AP2A2: variants seen among roughly 807,000 people sequenced by gnomAD.
AP2A2 encodes the protein AP-2 complex subunit alpha-2.
AP2A2 carries 32 observed loss-of-function variants against 104.2 expected under a neutral mutation model. The observed-to-expected ratio is 0.31, with a 90% CI of 0.23 to 0.41. The LOEUF (loss-of-function observed/expected upper bound fraction) is 0.41, where lower values mean the gene tolerates loss of function less well. AP2A2 is among the 10% of genes least tolerant of loss of function. The pLI is 1.00. For missense variants in AP2A2, 912 were observed against 1,261.0 expected (o/e 0.72, Z 4.19); for synonymous variants, 539 against 533.3 (o/e 1.01, Z -0.15).
intron 4 of AP2A2, among the ~76,000 whole-genome samples, chr11:975,974 G>A (rs933113928): frequency 2.0e-5 from 3 of 152,206 alleles, no homozygotes; most frequent in African/African-American, 7.2e-5. Flanking sequence ...TGGCATGCTG[G>A]GCGCCCTCGT....
chr11:982,238 A>G (rs542079985), intron 6 of AP2A2, among the ~76,000 whole-genome samples: 4 of 152,276 alleles, frequency 2.6e-5, no homozygotes, highest in South Asian at 2.1e-4. Context: ...TTTAGCAGAG[A>G]TGAGGTTTCA....
intron 1 of AP2A2, among the ~76,000 whole-genome samples, chr11:942,047 C>T (rs1853667841): frequency 6.6e-6 from 1 of 152,180 alleles, no homozygotes; most frequent in South Asian, 2.1e-4. Flanking sequence ...CTGCCTCAGC[C>T]TCCTGAGTAG....
intron 9 of AP2A2, 72 bp downstream of exon 9, chr11:987,025 G>GT: frequency 1.3e-6 from 2 of 1,494,918 alleles, no homozygotes; most frequent in Non-Finnish European, 1.8e-6. Flanking sequence ...AAGGCTGGGG[G>GT]TACGCAGTGC....
intron 17 of AP2A2, chr11:1,007,015 C>T (rs554830934): frequency 8.9e-5 from 15 of 168,032 alleles, no homozygotes; most frequent in African/African-American, 3.1e-4. Context: ...CGGTGCGCAC[C>T]CCAGCCGAGC....
chr11:1,003,984 T>C (rs1470152295), intron 16 of AP2A2, among the ~76,000 whole-genome samples, 180 bp downstream of exon 16: 1 of 146,774 alleles, frequency 6.8e-6, no homozygotes, highest in Admixed American at 6.7e-5. Context: ...GGCAAACACA[T>C]CAAGACCCCA....
intron 3 of AP2A2, 137 bp downstream of exon 3, chr11:970,448 A>C: frequency 9.0e-7 from 1 of 1,116,082 alleles, no homozygotes; most frequent in Non-Finnish European, 1.3e-6. Flanking sequence ...GCAGATGGAG[A>C]CGCGTGCCCA....
chr11:995,798 G>A (rs1045113513), intron 14 of AP2A2, among the ~76,000 whole-genome samples: 2 of 4,842 alleles, frequency 4.1e-4, no homozygotes, highest in African/African-American at 2.0e-3. Flanking sequence ...GTCCCCCCGT[G>A]CCCTCTCTCT....
intron 1 of AP2A2, among the ~76,000 whole-genome samples, chr11:938,562 C>T (rs1853541682): frequency 6.6e-6 from 1 of 151,546 alleles, no homozygotes; most frequent in South Asian, 2.1e-4. Flanking sequence ...GCAAGCTCTG[C>T]CTCCCGGGTT....
chr11:985,529 C>T lies in AP2A2; in HGVS notation c.909C>T (p.Asn303=), dbSNP rs758190413. The T allele has an allele frequency of 3.8e-5, 61 of 1,613,860 alleles. No homozygotes were observed. Among genetic ancestry groups the T allele is most frequent in the African/African-American group, 6.7e-5 (5 of 74,924 alleles). Residue 303 remains asparagine, a synonymous_variant, in exon 8 of 22, where the codon AAC becomes AAT. Transcript: ENST00000448903. ...AGTCGAAGAAGGTCCAGCACTCCAA[C>T]GCGAAGAATGCCGTGCTCTTCGAGG... The part of the protein sequence containing the change: ...PPKSKKVQHS[N]AKNAVLFEAI...
chr11:953,524 G>A (rs1196623769), intron 1 of AP2A2, among the ~76,000 whole-genome samples: 3 of 140,506 alleles, frequency 2.1e-5, no homozygotes, highest in Non-Finnish European at 4.7e-5. Context: ...GCATGGTCTG[G>A]GTGGCTTTTC....
At chr11:945,281 C>T (rs1853794975) in intron 1 of AP2A2, among the ~76,000 whole-genome samples, 3 of 152,098 alleles carry the variant, frequency 2.0e-5, no homozygotes, top group Admixed American at 2.0e-4. Flanking sequence ...ATGGTAGGAC[C>T]TCCTGTCTAG....
Position 968,789 on chromosome 11 carries a change from C to T in AP2A2, c.137-1380C>T, listed in dbSNP as rs1426385636. Among the ~76,000 whole-genome samples the T allele has an allele frequency of 1.8e-5, 2 of 111,436 alleles. No homozygotes were observed. Among genetic ancestry groups the T allele is most frequent in the African/African-American group, 6.8e-5 (2 of 29,440 alleles). The allele number at this position is 111,436 out of a possible 152,430, so 73.1% of individuals were successfully genotyped here. A position where few individuals can be genotyped will look rare whatever the true frequency, so the allele number is the denominator to read the frequency against. ...AGCAAGCAGATAAGTGGGTCGGGGC[C>T]GGGGGAGGGAGGAACCAGGTCGGGT... On this transcript the variant is annotated intron_variant, in intron 2 of 21. Coordinates refer to ENST00000448903, the MANE Select transcript of AP2A2 (RefSeq NM_012305.4). This position sits in a 1 kb window ranked among gnomAD's most constrained non-coding sequence, Gnocchi z 4.2.
intron 2 of AP2A2, among the ~76,000 whole-genome samples, chr11:963,877 T>C (rs1205096231): frequency 6.6e-6 from 1 of 152,214 alleles, no homozygotes. Flanking sequence ...CGGTCTGCCT[T>C]GACCTCCCAA....
chr11:984,358 G>A (rs952816657), intron 6 of AP2A2, among the ~76,000 whole-genome samples: 7 of 152,088 alleles, frequency 4.6e-5, no homozygotes, highest in African/African-American at 1.4e-4. Flanking sequence ...TTTCATTCAC[G>A]TGCCGGTCCA....
intron 8 of AP2A2, 79 bp from the exon 9 acceptor site, chr11:986,706 C>T (rs1038857272): frequency 8.0e-6 from 12 of 1,507,118 alleles, no homozygotes; most frequent in South Asian, 2.5e-5. Flanking sequence ...CATCTGGACC[C>T]GTCGGGGAAC....
intron 18 of AP2A2, chr11:1,008,897 C>T (rs573422279): frequency 3.4e-5 from 20 of 581,766 alleles, no homozygotes; most frequent in South Asian, 6.6e-5. Context: ...CCTGAGTATG[C>T]GGCCCTGGCC....
intron 4 of AP2A2, 63 bp from the exon 5 acceptor site, chr11:977,032 G>T (rs1308506503): frequency 1.7e-5 from 27 of 1,601,574 alleles, no homozygotes; most frequent in Non-Finnish European, 2.1e-5. Context: ...CTGGGGGGGT[G>T]CTCCGTGCAG....
chr11:975,792 T>G (rs897894041), intron 4 of AP2A2, among the ~76,000 whole-genome samples: 1 of 151,440 alleles, frequency 6.6e-6, no homozygotes, highest in African/African-American at 2.4e-5. Context: ...GTCCTCTGTC[T>G]CCCTTGTGTG....
At position 1,011,704 on chromosome 11, in the gene AP2A2, A is replaced by T; in HGVS notation, c.*1079A>T. The T allele has an allele frequency of 2.9e-6, 1 of 339,218 alleles. No individual in the cohort carries two copies. Among genetic ancestry groups the T allele is most frequent in the South Asian group, 2.2e-5 (1 of 45,768 alleles). The allele number at this position is 339,218 out of a possible 1,614,324, so 21.0% of individuals were successfully genotyped here. ...CTTGTTTGTCCTAAACACACCCAGC[A>T]CAGGTTCTGGCTTCCTGACATGCTG... On this transcript the variant is annotated 3_prime_UTR_variant, in exon 22 of 22. Transcript: ENST00000448903.
Sources: allele counts gnomAD v4.1 joint callset (sites outside exome capture counted in the v4.1 genomes callset), GRCh38; gene constraint gnomAD v4.1.1; non-coding constraint Gnocchi (gnomAD v3.1); transcripts MANE v1.5; gene names NCBI Gene and HGNC (gene_info 2026-07-23, HGNC 2026-07-21).